Variants in NTN1 observed in about 807,000 individuals in gnomAD.
NTN1 encodes netrin-1.
NTN1 carries 11 observed loss-of-function variants against 54.2 expected under a neutral mutation model. That is an observed-to-expected ratio of 0.20 (90% CI 0.13 to 0.34). NTN1 has a LOEUF of 0.34. Among genes scored for constraint, NTN1 ranks in the 10% least tolerant of loss-of-function variants. NTN1 has a pLI of 1.00. For synonymous variants in NTN1, 371 were observed against 382.0 expected (o/e 0.97, Z 0.33); for missense variants, 740 against 893.1 (o/e 0.83, Z 2.18).
chr17:9,129,447 C>G (rs1326699604), intron 2 of NTN1, among the ~76,000 whole-genome samples: 1 of 152,146 alleles, frequency 6.6e-6, no homozygotes, highest in Admixed American at 6.5e-5. Context: ...TCTTGTTTGC[C>G]TGATTGTTTT....
At chr17:9,005,355 C>T in the NTN1 span, among the ~76,000 whole-genome samples, 1 of 152,158 alleles carries the variant, frequency 6.6e-6, no homozygotes, top group African/African-American at 2.4e-5. Flanking sequence ...GGGCTTGAGC[C>T]AGAATGGATT....
chr17:9,196,209 G>A (rs1325758176), intron 5 of NTN1, among the ~76,000 whole-genome samples: 1 of 152,208 alleles, frequency 6.6e-6, no homozygotes. Flanking sequence ...GGGGCTGCCT[G>A]GGAGGTTCTT....
At chr17:9,234,671 C>T (rs150242616) in intron 6 of NTN1, among the ~76,000 whole-genome samples, 106 of 152,322 alleles carry the variant, frequency 7.0e-4, no homozygotes, top group South Asian at 3.9e-3. Context: ...CGTACCCGCT[C>T]ACTTGCAGCA....
chr17:9,032,806 T>G (rs2091891944), intron 2 of NTN1, among the ~76,000 whole-genome samples: 1 of 152,086 alleles, frequency 6.6e-6, no homozygotes, highest in African/African-American at 2.4e-5. Context: ...GGTGGGCAGG[T>G]CGATCTCAGC....
chr17:9,082,182 C>T (rs1412635200), intron 2 of NTN1, among the ~76,000 whole-genome samples: 1 of 152,174 alleles, frequency 6.6e-6, no homozygotes. Flanking sequence ...GTCTCAGCCT[C>T]CTGAGTAACT....
intron 2 of NTN1, among the ~76,000 whole-genome samples, chr17:9,074,273 G>A (rs920450098): frequency 4.6e-5 from 7 of 152,216 alleles, no homozygotes; most frequent in Non-Finnish European, 8.8e-5. Context: ...GGGATGGGAC[G>A]CGGCCAGCCC....
chr17:9,065,240 T>C (rs758682456), intron 2 of NTN1, among the ~76,000 whole-genome samples: 3 of 152,110 alleles, frequency 2.0e-5, no homozygotes, highest in Non-Finnish European at 4.4e-5. Flanking sequence ...CCCAGCCTTA[T>C]GTGATCTTGT....
chr17:9,152,775 C>A (rs1245554286), intron 2 of NTN1, among the ~76,000 whole-genome samples: 2 of 152,216 alleles, frequency 1.3e-5, no homozygotes, highest in Admixed American at 1.3e-4. Context: ...ACTTAGAAAT[C>A]ATCAGACGCA....
chr17:9,075,284 T>C (rs9303236), intron 2 of NTN1, among the ~76,000 whole-genome samples: 139,378 of 152,222 alleles, frequency 0.92, 63,968 homozygotes, highest in East Asian at 1. Flanking sequence ...AGTTCGAGAC[T>C]AGCCTGGCCA....
chr17:9,079,062 G>C (rs767021524), intron 2 of NTN1, among the ~76,000 whole-genome samples: 1 of 152,178 alleles, frequency 6.6e-6, no homozygotes, highest in East Asian at 1.9e-4. Context: ...CTTGGGTTCT[G>C]GGGGAGAAGA....
chr17:9,042,930 T>C, intron 2 of NTN1, among the ~76,000 whole-genome samples: 1 of 152,210 alleles, frequency 6.6e-6, no homozygotes, highest in East Asian at 1.9e-4. Flanking sequence ...ACATGAGAAA[T>C]AGCTGGTCCT....
In NTN1 at chr17:9,054,161, G is replaced by T. The variant is rs116099562; in HGVS notation, c.1018+30770G>T. 2.5e-3 allele frequency among the ~76,000 whole-genome samples: 377 copies of T among 152,342 alleles called. 1 individual carries two copies. The highest frequency in any genetic ancestry group is 8.8e-3 in the African/African-American group (364 of 41,588). ...AGTGAACACGATTCTCTCTCCCAGA[G>T]AAAGAACCTAGCAACTGGGTTAGCA... On this transcript the variant is annotated intron_variant, in intron 2 of 6. Coordinates refer to ENST00000173229, the MANE Select transcript of NTN1 (RefSeq NM_004822.3).
chr17:9,046,764 T>C (rs1039016381), intron 2 of NTN1, among the ~76,000 whole-genome samples: 1 of 152,066 alleles, frequency 6.6e-6, no homozygotes, highest in Admixed American at 6.6e-5. Flanking sequence ...CCAGCCTGGT[T>C]GGCAGAGAAA....
At chr17:9,184,213 C>T (rs764937247) in intron 5 of NTN1, among the ~76,000 whole-genome samples, 9 of 152,178 alleles carry the variant, frequency 5.9e-5, no homozygotes, top group Non-Finnish European at 8.8e-5. Context: ...GACAGAAATG[C>T]GTTTCAGGGA....
intron 6 of NTN1, among the ~76,000 whole-genome samples, chr17:9,222,510 C>A (rs908835279): frequency 6.6e-6 from 1 of 152,178 alleles, no homozygotes; most frequent in African/African-American, 2.4e-5. Flanking sequence ...TGAGTGTATA[C>A]GGGGAGGACA....
chr17:9,181,758 G>T (rs73256031), intron 4 of NTN1, among the ~76,000 whole-genome samples: 1,558 of 152,252 alleles, frequency 0.01, 30 homozygotes, highest in African/African-American at 0.035. Context: ...ATGGTGGCTA[G>T]AGTCAGTGGG....
chr17:9,007,300 T>G, the NTN1 span, among the ~76,000 whole-genome samples: 1 of 148,774 alleles, frequency 6.7e-6, no homozygotes, highest in East Asian at 2.0e-4. Flanking sequence ...TCCTTCTTTC[T>G]TTCTTTCCCT....
chr17:9,215,250 TACACACACACACACACAC>T (rs58245153), intron 5 of NTN1, among the ~76,000 whole-genome samples: 1 of 138,210 alleles, frequency 7.2e-6, no homozygotes, highest in Non-Finnish European at 1.6e-5. Flanking sequence ...GCTAGATAGA[TACACACACACACACACAC>T]ACACACACAC....
At chr17:9,072,871 T>G (rs1454735935) in intron 2 of NTN1, among the ~76,000 whole-genome samples, 1 of 152,236 alleles carries the variant, frequency 6.6e-6, no homozygotes, top group East Asian at 1.9e-4. Flanking sequence ...AAGCAGCTGC[T>G]GTGATTTTCT....
Sources: allele counts gnomAD v4.1 joint callset (sites outside exome capture counted in the v4.1 genomes callset), GRCh38; gene constraint gnomAD v4.1.1; transcripts MANE v1.5; gene names NCBI Gene and HGNC (gene_info 2026-07-23, HGNC 2026-07-21).